The following CDH12 variants were observed in gnomAD, a reference collection of about 807,000 sequenced individuals.
CDH12 encodes cadherin 12.
A neutral mutation model predicts 74.1 loss-of-function variants in CDH12; 41 were observed. The observed-to-expected ratio is 0.55, with a 90% CI of 0.43 to 0.72. The LOEUF (loss-of-function observed/expected upper bound fraction) is 0.72, where lower values mean the gene tolerates loss of function less well. Ranked by LOEUF, CDH12 falls within the 30% of genes least tolerant of loss-of-function variation. The pLI is 0.00. For missense variants in CDH12, 945 were observed against 977.2 expected, an observed-to-expected ratio of 0.97 and a Z score of 0.44; for synonymous variants, 399 against 355.0, an observed-to-expected ratio of 1.12 and a Z score of -1.39.
At chr5:22,723,330 A>C (rs1357895809) in intron 1 of CDH12, among the ~76,000 whole-genome samples, 1 of 152,150 alleles carries the variant, frequency 6.6e-6, no homozygotes, top group African/African-American at 2.4e-5. Context: ...TTGTATGAAA[A>C]GTACAAAGTA....
intron 1 of CDH12, among the ~76,000 whole-genome samples, chr5:22,809,604 T>C (rs773136402): frequency 1.3e-5 from 2 of 151,858 alleles, no homozygotes; most frequent in Non-Finnish European, 2.9e-5. Flanking sequence ...AAAAAATAAA[T>C]TGATTTATTT....
intron 1 of CDH12, among the ~76,000 whole-genome samples, chr5:22,727,318 T>C (rs536492279): frequency 6.6e-6 from 1 of 151,894 alleles, no homozygotes; most frequent in Non-Finnish European, 1.5e-5. Context: ...TTTTTTCTTA[T>C]TAAATATTTT....
intron 3 of CDH12, among the ~76,000 whole-genome samples, chr5:22,252,443 T>A (rs1470751231): frequency 6.6e-6 from 1 of 152,034 alleles, no homozygotes; most frequent in Non-Finnish European, 1.5e-5. Flanking sequence ...ACTTGCTTTG[T>A]GGAATAAAAA....
chr5:22,021,050 G>T, intron 5 of CDH12, among the ~76,000 whole-genome samples: 1 of 152,080 alleles, frequency 6.6e-6, no homozygotes, highest in East Asian at 1.9e-4. Flanking sequence ...GAAGTGTTTT[G>T]AATTTTTCAC....
chr5:22,373,984 G>A (rs1741409030), intron 3 of CDH12, among the ~76,000 whole-genome samples: 1 of 152,000 alleles, frequency 6.6e-6, no homozygotes, highest in Non-Finnish European at 1.5e-5. Flanking sequence ...ATTCAAAATA[G>A]TAAGCCAAAT....
intron 1 of CDH12, among the ~76,000 whole-genome samples, chr5:22,756,098 G>GAAAAAAAAAAAAAAAAAA (rs60067455): frequency 1.5e-3 from 127 of 87,214 alleles, no homozygotes; most frequent in South Asian, 2.1e-3. Context: ...TTCAAGGACC[G>GAAAAAAAAAAAAAAAAAA]AAAAAAAAAA....
chr5:22,681,814 ATTGT>A (rs1580882431), intron 1 of CDH12, among the ~76,000 whole-genome samples: 2 of 151,940 alleles, frequency 1.3e-5, no homozygotes, highest in East Asian at 1.9e-4. Flanking sequence ...GAATTAGGAG[ATTGT>A]TTGTTTTTGT....
intron 3 of CDH12, among the ~76,000 whole-genome samples, chr5:22,287,552 G>C (rs997468314): frequency 6.6e-6 from 1 of 151,482 alleles, no homozygotes; most frequent in African/African-American, 2.4e-5. Context: ...GTGAAACCCC[G>C]TCTCTACTAA....
Position 21,765,024 on chromosome 5 carries a change from G to T in CDH12, c.1469C>A (p.Ser490Tyr). ...LDVNEFPPEI[S>Y]VPYETAVCEN... is the part of the protein sequence containing the mutation. ...ACACACGGCTGTCTCATATGGCACA[G>T]ATATTTCTGGAGGAAATTCATTTAC... Residue 490 changes from serine to tyrosine, a missense_variant, in exon 12 of 15, where the codon TCT becomes TAT. By Grantham distance (144) the Ser-to-Tyr change is moderately radical. Coordinates refer to ENST00000382254, the MANE Select transcript of CDH12 (RefSeq NM_004061.5). 1 of 1,612,778 alleles carries T rather than the reference G, an allele frequency of 6.2e-7. No individual in the cohort carries two copies.
At chr5:22,536,423 G>T (rs1415959331) in intron 1 of CDH12, among the ~76,000 whole-genome samples, 1 of 152,118 alleles carries the variant, frequency 6.6e-6, no homozygotes, top group Non-Finnish European at 1.5e-5. Context: ...GGTGGTTGTT[G>T]TGGTCGTGGT....
chr5:22,527,260 C>T (rs1342289825), intron 1 of CDH12, among the ~76,000 whole-genome samples: 2 of 151,948 alleles, frequency 1.3e-5, no homozygotes, highest in Non-Finnish European at 2.9e-5. Context: ...TTGTCTTTTC[C>T]TCTATTCAAG....
chr5:21,767,840 G>C (rs1579663948), intron 11 of CDH12, among the ~76,000 whole-genome samples: 1 of 151,644 alleles, frequency 6.6e-6, no homozygotes, highest in Middle Eastern at 3.4e-3. Context: ...CTCAGTTTGA[G>C]AACTATTGTA....
chr5:22,478,417 CAAA>C (rs34576542), intron 2 of CDH12, among the ~76,000 whole-genome samples: 2 of 88,502 alleles, frequency 2.3e-5, no homozygotes, highest in African/African-American at 4.7e-5. Flanking sequence ...GACTCCGTCT[CAAA>C]AAAAAAAAAA....
At chr5:22,236,480 C>T (rs1297979146) in intron 3 of CDH12, among the ~76,000 whole-genome samples, 9 of 152,114 alleles carry the variant, frequency 5.9e-5, no homozygotes, top group Admixed American at 4.6e-4. Context: ...CACCTGTAAT[C>T]CCGGCACTTT....
intron 3 of CDH12, among the ~76,000 whole-genome samples, chr5:22,343,323 C>CAGAGAGAGAGAGAGAGAGAG (rs377016972): frequency 7.3e-5 from 10 of 136,346 alleles, no homozygotes; most frequent in African/African-American, 2.6e-4. Flanking sequence ...GACACACACA[C>CAGAGAGAGAGAGAGAGAGAG]AGAGAGAGAG....
At chr5:22,120,443 TG>T (rs1745440706) in intron 4 of CDH12, among the ~76,000 whole-genome samples, 1 of 152,262 alleles carries the variant, frequency 6.6e-6, no homozygotes, top group South Asian at 2.1e-4. Context: ...AAAAAGCAAT[TG>T]GTTATTCAAG....
intron 1 of CDH12, among the ~76,000 whole-genome samples, chr5:22,842,810 C>G (rs1285151865): frequency 6.6e-6 from 1 of 152,010 alleles, no homozygotes; most frequent in Non-Finnish European, 1.5e-5. Flanking sequence ...AAAAAACAAT[C>G]AAACTTAATT....
intron 11 of CDH12, among the ~76,000 whole-genome samples, chr5:21,774,000 T>A (rs1221916059): frequency 6.6e-6 from 1 of 152,166 alleles, no homozygotes; most frequent in Non-Finnish European, 1.5e-5. Context: ...TATGTATGAT[T>A]TCAGGAGATG....
rs146748939 is a variant in CDH12, at chr5:22,027,512, G to C, written c.231+50934C>G. On this transcript the variant is annotated intron_variant, in intron 5 of 14. Transcript: ENST00000382254. ...ACAGAGCCTGTTATTGGTGTATTCA[G>C]AGATTCAACTTCTTCCTGGTTTAGT... Among the ~76,000 whole-genome samples the C allele has an allele frequency of 5.9e-3, 895 of 152,292 alleles. 10 individuals carry two copies. The highest frequency in any genetic ancestry group is 0.021 in the African/African-American group (863 of 41,572).
Sources: allele counts gnomAD v4.1 joint callset (sites outside exome capture counted in the v4.1 genomes callset), GRCh38; gene constraint gnomAD v4.1.1; transcripts MANE v1.5; gene names NCBI Gene and HGNC (gene_info 2026-07-23, HGNC 2026-07-21).